FRMPD2: variants seen among roughly 807,000 people sequenced by gnomAD.
FRMPD2 encodes the protein FERM and PDZ domain containing 2.
A neutral mutation model predicts 140.1 loss-of-function variants in FRMPD2; 96 were observed. The observed-to-expected ratio is 0.69, with a 90% CI of 0.58 to 0.81. FRMPD2 has a LOEUF of 0.81. Ranked by LOEUF, FRMPD2 falls within the 40% of genes least tolerant of loss-of-function variation. The probability of loss-of-function intolerance (pLI) is 0.00; values close to 1 mark genes in which losing one functional copy is unlikely to be tolerated. For synonymous variants in FRMPD2, 449 were observed against 547.6 expected, an observed-to-expected ratio of 0.82 and a Z score of 2.52; for missense variants, 1,240 against 1,447.4, an observed-to-expected ratio of 0.86 and a Z score of 2.32.
chr10:48,192,987 G>A lies in FRMPD2; in HGVS notation c.1955-93C>T, dbSNP rs567592977. 1.8e-4 allele frequency: 166 copies of A among 906,990 alleles called. 1 individual carries two copies. In the South Asian group the frequency reaches 2.1e-3, roughly 12 times the overall value. 56.2% of individuals were successfully genotyped at this position (906,990 alleles called of 1,614,324 possible). On this transcript the variant is annotated intron_variant, in intron 15 of 28. Transcript: ENST00000374201. ...GGTTGTAACATATCACTGGGCCCCCGCTCTCCTCCTCCTTTCTTTTTCTGC... is the reference window on the plus strand; with the variant it reads ...GGTTGTAACATATCACTGGGCCCCCACTCTCCTCCTCCTTTCTTTTTCTGC...
chr10:48,250,917 C>T (rs1353430398), intron 2 of FRMPD2, among the ~76,000 whole-genome samples: 1 of 151,602 alleles, frequency 6.6e-6, no homozygotes. Flanking sequence ...CTGTCTCCGC[C>T]TCCCGAGTAG....
intron 12 of FRMPD2, among the ~76,000 whole-genome samples, chr10:48,214,351 A>G (rs956877740): frequency 2.0e-5 from 3 of 152,222 alleles, no homozygotes; most frequent in Non-Finnish European, 4.4e-5. Context: ...TGGTAGATAC[A>G]TGTCTTTATA....
chr10:48,273,681 C>T (rs952365023), intron 1 of FRMPD2, among the ~76,000 whole-genome samples: 1 of 152,154 alleles, frequency 6.6e-6, no homozygotes, highest in African/African-American at 2.4e-5. Context: ...TTCTGCCCCC[C>T]GACCCCCACT....
At chr10:48,240,199 G>A (rs1007245169) in intron 6 of FRMPD2, among the ~76,000 whole-genome samples, 161 bp downstream of exon 6, 1 of 152,278 alleles carries the variant, frequency 6.6e-6, no homozygotes, top group Admixed American at 6.5e-5. Flanking sequence ...ACACAGGTGA[G>A]TCCTAAGCTC....
chr10:48,184,966 C>T, intron 18 of FRMPD2, 85 bp from the exon 19 acceptor site: 1 of 904,780 alleles, frequency 1.1e-6, no homozygotes, highest in Non-Finnish European at 1.7e-6. Context: ...CCTCATATCA[C>T]ACAGCTACCA....
intron 14 of FRMPD2, among the ~76,000 whole-genome samples, chr10:48,204,817 T>C (rs1392308699): frequency 6.6e-6 from 1 of 152,216 alleles, no homozygotes; most frequent in Non-Finnish European, 1.5e-5. Context: ...ATTTAACTAG[T>C]GCTGATAACT....
At chr10:48,172,488 G>A (rs1317294775) in intron 25 of FRMPD2, among the ~76,000 whole-genome samples, 5 of 152,184 alleles carry the variant, frequency 3.3e-5, no homozygotes, top group African/African-American at 4.8e-5. Context: ...CCCTCTAAAC[G>A]ATCTTTCGTT....
chr10:48,189,559 C>G (rs780619896), intron 16 of FRMPD2, among the ~76,000 whole-genome samples: 1 of 152,248 alleles, frequency 6.6e-6, no homozygotes, highest in Non-Finnish European at 1.5e-5. Context: ...TCCACACAGA[C>G]CCCATGTGGG....
chr10:48,254,835 A>G lies in FRMPD2; in HGVS notation c.26-3144T>C, dbSNP rs1043094564. On this transcript the variant is annotated intron_variant, in intron 1 of 28. Transcript: ENST00000374201. ...CTCAGAGGCAGAGCTCTTCCCCACC[A>G]TATTATGCTGGCTGTGGAAATGCTG... is the stretch of plus-strand genomic sequence containing the variant. Among the ~76,000 whole-genome samples the G allele has an allele frequency of 3.9e-5, 6 of 152,158 alleles. No homozygotes were observed. The East Asian group carries it at 1.2e-3, about 29-fold the overall frequency.
intron 27 of FRMPD2, among the ~76,000 whole-genome samples, chr10:48,167,687 A>G (rs1838132566): frequency 6.6e-6 from 1 of 150,550 alleles, no homozygotes; most frequent in South Asian, 2.1e-4. Flanking sequence ...GCAATGGGTA[A>G]TTGTATCTGT....
intron 10 of FRMPD2, among the ~76,000 whole-genome samples, chr10:48,226,715 T>A (rs768471880): frequency 6.6e-6 from 1 of 152,254 alleles, no homozygotes; most frequent in Non-Finnish European, 1.5e-5. Flanking sequence ...TCTGATCTTT[T>A]AAGCCTCCTC....
intron 28 of FRMPD2, chr10:48,159,041 G>T (rs1837864508): frequency 2.8e-6 from 1 of 363,344 alleles, no homozygotes; most frequent in African/African-American, 2.2e-5. Flanking sequence ...CTTGAAATAT[G>T]AAGGTATTAT....
At chr10:48,210,408 T>C (rs1839293493) in intron 13 of FRMPD2, among the ~76,000 whole-genome samples, 1 of 152,232 alleles carries the variant, frequency 6.6e-6, no homozygotes, top group Admixed American at 6.5e-5. Context: ...GGTAGTTTCT[T>C]TTACAATCAT....
intron 1 of FRMPD2, among the ~76,000 whole-genome samples, chr10:48,270,703 A>C (rs1840751968): frequency 6.8e-6 from 1 of 146,786 alleles, no homozygotes; most frequent in African/African-American, 2.5e-5. Flanking sequence ...CCTTCCCCCC[A>C]CCTCCTCCTC....
intron 17 of FRMPD2, 51 bp from the exon 18 acceptor site, chr10:48,185,696 G>A: frequency 2.9e-6 from 4 of 1,391,778 alleles, no homozygotes; most frequent in Non-Finnish European, 4.1e-6. Context: ...AAATTATTTG[G>A]GAGCTAATAC....
In FRMPD2 at chr10:48,260,164, T is replaced by G. The variant is rs1840557995; in HGVS notation, c.26-8473A>C. Among the ~76,000 whole-genome samples the G allele has an allele frequency of 2.0e-5, 3 of 152,008 alleles. No individual in the cohort carries two copies. The South Asian group carries it at 6.2e-4, about 32-fold the overall frequency. Reference sequence around the variant, plus strand: ...GGCTAAGAATAGATAGATAGATTGATAGATAGATAGATCTATATATATATG... The same window carrying G: ...GGCTAAGAATAGATAGATAGATTGAGAGATAGATAGATCTATATATATATG... On this transcript the variant is annotated intron_variant, in intron 1 of 28. Coordinates refer to ENST00000374201, the MANE Select transcript of FRMPD2 (RefSeq NM_001018071.4).
intron 22 of FRMPD2, among the ~76,000 whole-genome samples, chr10:48,177,007 C>G: frequency 6.6e-6 from 1 of 152,074 alleles, no homozygotes; most frequent in Non-Finnish European, 1.5e-5. Flanking sequence ...AGTGTCCTTA[C>G]TTTGGTGGGA....
intron 25 of FRMPD2, among the ~76,000 whole-genome samples, chr10:48,172,416 CA>C (rs1462709418): frequency 6.6e-6 from 1 of 151,966 alleles, no homozygotes; most frequent in Non-Finnish European, 1.5e-5. Flanking sequence ...GTGTTCCTGG[CA>C]AATACCAAAA....
chr10:48,203,663 T>C (rs1442645775), intron 14 of FRMPD2, among the ~76,000 whole-genome samples: 2 of 152,174 alleles, frequency 1.3e-5, no homozygotes, highest in Non-Finnish European at 2.9e-5. Context: ...TATTTGTATT[T>C]GATACATCTT....
Sources: allele counts gnomAD v4.1 joint callset (sites outside exome capture counted in the v4.1 genomes callset), GRCh38; gene constraint gnomAD v4.1.1; transcripts MANE v1.5; gene names NCBI Gene and HGNC (gene_info 2026-07-23, HGNC 2026-07-21).